The following EFR3A variants were observed in gnomAD, a reference collection of about 807,000 sequenced individuals.
EFR3A encodes the protein protein EFR3 homolog A.
EFR3A carries 76 observed loss-of-function variants against 104.4 expected under a neutral mutation model. The ratio of observed to expected loss-of-function variants is 0.73; its 90% CI spans 0.60 to 0.88. EFR3A has a LOEUF of 0.88. EFR3A is among the 40% of genes least tolerant of loss of function. EFR3A has a pLI of 0.00. For synonymous variants in EFR3A, 330 were observed against 330.0 expected (o/e 1.00, Z 0.00); for missense variants, 985 against 1,012.5 (o/e 0.97, Z 0.37).
intron 19 of EFR3A, 84 bp downstream of exon 19, chr8:131,996,581 G>A: frequency 7.4e-6 from 5 of 675,364 alleles, no homozygotes; most frequent in Admixed American, 3.6e-5. Flanking sequence ...CTTTCGAACA[G>A]GAGGAAATAC....
At chr8:131,934,860 A>G (rs1246076816) in intron 1 of EFR3A, among the ~76,000 whole-genome samples, 1 of 152,102 alleles carries the variant, frequency 6.6e-6, no homozygotes, top group Non-Finnish European at 1.5e-5. Flanking sequence ...CCTGGAAAGG[A>G]TATGTGTGAG....
At chr8:131,925,557 AAC>A (rs1296484856) in intron 1 of EFR3A, among the ~76,000 whole-genome samples, 5 of 152,154 alleles carry the variant, frequency 3.3e-5, no homozygotes, top group Admixed American at 6.5e-5. Context: ...TAAATATGAA[AAC>A]ACAAAAGCAT....
chr8:131,963,566 G>A (rs1240305127), intron 8 of EFR3A, among the ~76,000 whole-genome samples: 1 of 152,090 alleles, frequency 6.6e-6, no homozygotes, highest in East Asian at 1.9e-4. Flanking sequence ...CTCTGAAATC[G>A]AGGCAATAAT....
At chr8:131,956,053 G>A (rs1330397841) in intron 7 of EFR3A, 148 bp downstream of exon 7, 19 of 916,792 alleles carry the variant, frequency 2.1e-5, no homozygotes, top group Non-Finnish European at 3.1e-5. Context: ...ACAGGACTGA[G>A]TCATGCATGA....
intron 1 of EFR3A, among the ~76,000 whole-genome samples, chr8:131,906,955 A>T (rs182032257): frequency 7.8e-4 from 119 of 152,152 alleles, no homozygotes; most frequent in Non-Finnish European, 1.5e-3. Context: ...AGTTGGAACG[A>T]CTGTTAAAGC....
At chr8:131,912,952 A>G (rs1045055502) in intron 1 of EFR3A, among the ~76,000 whole-genome samples, 1 of 150,552 alleles carries the variant, frequency 6.6e-6, no homozygotes, top group Non-Finnish European at 1.5e-5. Flanking sequence ...GTTCAGGAAT[A>G]GGAATGGAGC....
intron 10 of EFR3A, 104 bp downstream of exon 10, chr8:131,970,747 T>G (rs1820007949): frequency 2.6e-6 from 3 of 1,135,486 alleles, no homozygotes; most frequent in Non-Finnish European, 3.7e-6. Flanking sequence ...AGATGAATGA[T>G]AGCTTAAATT....
At chr8:131,946,229 T>A (rs1818433754) in intron 3 of EFR3A, among the ~76,000 whole-genome samples, 1 of 152,078 alleles carries the variant, frequency 6.6e-6, no homozygotes, top group Non-Finnish European at 1.5e-5. Flanking sequence ...AAAGTTAATG[T>A]TAAGCTCACA....
At chr8:131,910,999 A>C (rs1484878008) in intron 1 of EFR3A, among the ~76,000 whole-genome samples, 2 of 152,192 alleles carry the variant, frequency 1.3e-5, no homozygotes, top group African/African-American at 2.4e-5. Flanking sequence ...TCGTTTGTCT[A>C]GGTTAAGGAG....
intron 14 of EFR3A, among the ~76,000 whole-genome samples, chr8:131,980,281 A>T (rs1820541000): frequency 1.3e-5 from 2 of 152,012 alleles, no homozygotes; most frequent in Non-Finnish European, 2.9e-5. Flanking sequence ...ATTACTATTG[A>T]TTGCTGTGTT....
At chr8:131,945,343 G>T (rs1446120124) in intron 3 of EFR3A, among the ~76,000 whole-genome samples, 1 of 151,930 alleles carries the variant, frequency 6.6e-6, no homozygotes, top group Non-Finnish European at 1.5e-5. Flanking sequence ...CAAGCATGCT[G>T]ATTTGGAACT....
Position 132,011,122 on chromosome 8 carries a change from G to A in EFR3A, c.*227G>A. The A allele has an allele frequency of 8.4e-7, 1 of 1,195,158 alleles. No homozygotes were observed. Among genetic ancestry groups the A allele is most frequent in the East Asian group, 3.4e-5 (1 of 29,428 alleles). 74.0% of individuals were successfully genotyped at this position (1,195,158 alleles called of 1,614,324 possible). A position where few individuals can be genotyped will look rare whatever the true frequency, so the allele number is the denominator to read the frequency against. On this transcript the variant is annotated 3_prime_UTR_variant, in exon 23 of 23. Coordinates refer to ENST00000254624, the MANE Select transcript of EFR3A (RefSeq NM_015137.6). ...CATGTTAATTTGCTTTGAGGTTCCT[G>A]TTGCCTTTTTAAGTTGAACATGTTT... is the stretch of plus-strand genomic sequence containing the variant.
Position 131,979,433 on chromosome 8 carries a change from T to TC in EFR3A, c.1575+13dup. The TC allele has an allele frequency of 6.6e-6, 10 of 1,515,958 alleles. No individual in the cohort carries two copies. Among genetic ancestry groups the TC allele is most frequent in the Non-Finnish European group, 8.1e-6 (9 of 1,113,628 alleles). The allele number at this position is 1,515,958 out of a possible 1,614,324, so 93.9% of individuals were successfully genotyped here. On this transcript the variant is annotated intron_variant, in intron 14 of 22. Transcript: ENST00000254624. Reference sequence around the variant, plus strand: ...GTTTCATGAAAAAGGTAAGACATCTTCTAAAAAAATAAATGTGTAGTGTAA... The same window carrying TC: ...GTTTCATGAAAAAGGTAAGACATCTTCCTAAAAAAATAAATGTGTAGTGTAA...
intron 1 of EFR3A, among the ~76,000 whole-genome samples, chr8:131,932,425 G>T (rs1211830419): frequency 6.6e-6 from 1 of 152,104 alleles, no homozygotes; most frequent in African/African-American, 2.4e-5. Flanking sequence ...GGTGTTCCAT[G>T]AATATTTATT....
chr8:131,999,820 C>T (rs759561146), intron 19 of EFR3A, among the ~76,000 whole-genome samples: 13 of 152,030 alleles, frequency 8.6e-5, no homozygotes, highest in East Asian at 1.9e-4. Context: ...AGGTAAACAC[C>T]GAAATTTAGT....
At chr8:131,959,423 G>A (rs1819191539) in intron 7 of EFR3A, among the ~76,000 whole-genome samples, 162 bp from the exon 8 acceptor site, 1 of 152,118 alleles carries the variant, frequency 6.6e-6, no homozygotes, top group East Asian at 1.9e-4. Context: ...AGCTTTAATT[G>A]CAACATATAT....
chr8:132,001,910 C>T (rs1821799892), intron 20 of EFR3A, 103 bp downstream of exon 20: 1 of 984,900 alleles, frequency 1.0e-6, no homozygotes, highest in Non-Finnish European at 1.6e-6. Flanking sequence ...CAAAAATAAA[C>T]CAAAGAAACT....
chr8:131,978,512 CCT>C (rs930568328), intron 12 of EFR3A, among the ~76,000 whole-genome samples: 15 of 152,134 alleles, frequency 9.9e-5, no homozygotes, highest in African/African-American at 3.6e-4. Flanking sequence ...CTAACCTTAA[CCT>C]CTCTGTGCCT....
Position 131,968,941 on chromosome 8 carries a change from TCTTCAG to T in EFR3A, c.991+514_991+519del, listed in dbSNP as rs1490444725. On this transcript the variant is annotated intron_variant, in intron 9 of 22. Transcript: ENST00000254624. The stretch of plus-strand genomic sequence containing the variant: ...GTTGTAGCCAAATTGTGGACATAGT[TCTTCAG>T]CTGATTAATAGTCCTTAAAGATTTA... Among the ~76,000 whole-genome samples the T allele has an allele frequency of 2.0e-5, 3 of 152,334 alleles. No individual in the cohort carries two copies. In the East Asian group the frequency reaches 5.8e-4, roughly 29 times the overall value.
Sources: gnomAD v4.1 joint callset for allele counts (sites outside exome capture counted in the v4.1 genomes callset) on GRCh38, gnomAD v4.1.1 for gene constraint, MANE v1.5 for transcripts, NCBI Gene and HGNC (gene_info 2026-07-23, HGNC 2026-07-21) for gene names.